The following PPM1L variants were observed in gnomAD, a reference collection of about 807,000 sequenced individuals.
The protein encoded by PPM1L is protein phosphatase 1L.
Under a neutral mutation model 31.4 loss-of-function variants are expected in PPM1L, and 13 were observed. That is an observed-to-expected ratio of 0.41 (90% CI 0.27 to 0.66). The LOEUF (loss-of-function observed/expected upper bound fraction) is 0.66, where lower values mean the gene tolerates loss of function less well. Among genes scored for constraint, PPM1L ranks in the 30% least tolerant of loss-of-function variants. The probability of loss-of-function intolerance (pLI) is 0.29; values close to 1 mark genes in which losing one functional copy is unlikely to be tolerated. For synonymous variants in PPM1L, 184 were observed against 175.4 expected (o/e 1.05, Z -0.39); for missense variants, 326 against 453.7 (o/e 0.72, Z 2.56).
intron 1 of PPM1L, among the ~76,000 whole-genome samples, chr3:160,819,601 T>C (rs747497549): frequency 7.0e-4 from 106 of 152,176 alleles, no homozygotes; most frequent in Non-Finnish European, 1.4e-3. Context: ...TTATAGGGTA[T>C]CCTACAGCAA....
At chr3:160,820,203 T>C (rs1713152536) in intron 1 of PPM1L, among the ~76,000 whole-genome samples, 1 of 152,084 alleles carries the variant, frequency 6.6e-6, no homozygotes, top group South Asian at 2.1e-4. Context: ...CAGTATTGCA[T>C]TGTCATCATG....
chr3:160,938,570 A>T (rs1715056983), intron 1 of PPM1L, among the ~76,000 whole-genome samples: 3 of 152,222 alleles, frequency 2.0e-5, no homozygotes, highest in Non-Finnish European at 4.4e-5. Context: ...AGCCTGCCTT[A>T]AATTACTCAT....
intron 1 of PPM1L, among the ~76,000 whole-genome samples, chr3:160,935,635 C>T (rs562862831): frequency 2.3e-3 from 351 of 152,290 alleles, no homozygotes; most frequent in African/African-American, 8.3e-3. Context: ...TGTCCTGAGG[C>T]GAAGCTGTGC....
chr3:161,005,226 G>C (rs1188644121), intron 2 of PPM1L, among the ~76,000 whole-genome samples: 1 of 152,142 alleles, frequency 6.6e-6, no homozygotes, highest in Non-Finnish European at 1.5e-5. Context: ...TTTTGAGTGA[G>C]ATTCTTAATC....
intron 1 of PPM1L, among the ~76,000 whole-genome samples, chr3:160,904,685 G>A (rs1157225322): frequency 2.0e-5 from 3 of 151,336 alleles, no homozygotes; most frequent in South Asian, 2.1e-4. Context: ...TTCAATTGCA[G>A]TGTCTTATTA....
intron 1 of PPM1L, among the ~76,000 whole-genome samples, chr3:160,865,635 C>T (rs147167490): frequency 0.021 from 3,216 of 152,178 alleles, 119 homozygotes; most frequent in African/African-American, 0.073. Flanking sequence ...ATTAGCTGGA[C>T]GTGGTGGCGT....
At chr3:161,049,872 A>G (rs1719215235) in intron 2 of PPM1L, among the ~76,000 whole-genome samples, 1 of 152,212 alleles carries the variant, frequency 6.6e-6, no homozygotes, top group South Asian at 2.1e-4. Flanking sequence ...GTAATTGCCC[A>G]TAGCAGAAAC....
chr3:160,916,922 G>T (rs1438575640), intron 1 of PPM1L, among the ~76,000 whole-genome samples: 2 of 152,120 alleles, frequency 1.3e-5, no homozygotes, highest in Non-Finnish European at 2.9e-5. Flanking sequence ...CTCTTTTTCT[G>T]CCAGTGACTT....
chr3:161,063,702 A>G lies in PPM1L; in HGVS notation c.575-1701A>G, dbSNP rs187324839. Among the ~76,000 whole-genome samples the G allele has an allele frequency of 3.8e-4, 58 of 152,216 alleles. 1 individual carries two copies. The highest frequency in any genetic ancestry group is 1.0e-4 in the Non-Finnish European group (7 of 68,040). ...CCAAAGGATTATAAACCATTCTACT[A>G]TAAAGACACATACATACATATGTTT... On this transcript the variant is annotated intron_variant, in intron 2 of 3. Coordinates refer to ENST00000498165, the MANE Select transcript of PPM1L (RefSeq NM_139245.4).
intron 1 of PPM1L, among the ~76,000 whole-genome samples, chr3:160,794,443 T>C (rs779055): frequency 0.026 from 3,908 of 152,310 alleles, 74 homozygotes; most frequent in Non-Finnish European, 0.04. Flanking sequence ...CATGAAATTT[T>C]AGGCAAGAAT....
chr3:160,786,155 C>G (rs28886332), intron 1 of PPM1L, among the ~76,000 whole-genome samples: 22,092 of 81,926 alleles, frequency 0.27, 3,487 homozygotes, highest in African/African-American at 0.5. Flanking sequence ...CTCTCTCTCT[C>G]TCTGTGTGTG....
chr3:160,954,246 C>T (rs997956948), intron 1 of PPM1L, among the ~76,000 whole-genome samples: 1 of 151,912 alleles, frequency 6.6e-6, no homozygotes, highest in African/African-American at 2.4e-5. Context: ...ATTTGGAAAA[C>T]TTTAGAGAGA....
intron 2 of PPM1L, among the ~76,000 whole-genome samples, chr3:160,973,253 T>C (rs1716413747): frequency 6.6e-6 from 1 of 152,236 alleles, no homozygotes; most frequent in East Asian, 1.9e-4. Context: ...CAAGTTGTCC[T>C]TGTTTGCCAC....
intron 1 of PPM1L, 31 bp from the exon 2 acceptor site, chr3:160,961,705 A>C (rs377716803): frequency 5.9e-5 from 92 of 1,550,492 alleles, no homozygotes; most frequent in African/African-American, 2.4e-4. Context: ...TTTCTAATGG[A>C]GTTCTCTCTC....
chr3:161,069,038 G>A lies in PPM1L; in HGVS notation c.964G>A (p.Asp322Asn), dbSNP rs1178900313. Residue 322 changes from aspartate (D) to asparagine (N), a missense_variant, in exon 4 of 4, where the codon GAT becomes AAT. Asp to Asn is a conservative substitution (Grantham distance 23, BLOSUM62 1). Transcript: ENST00000498165. ...AGTTCGATTCATCAAGGAGCGCTTG[G>A]ATGAACCTCACTTTGGGGCCAAGAG... ...EAVRFIKERL[D>N]EPHFGAKSIV... 2 of 1,614,182 alleles carry A rather than the reference G, an allele frequency of 1.2e-6. No individual in the cohort carries two copies. Among genetic ancestry groups the A allele is most frequent in the Middle Eastern group, 1.6e-4 (1 of 6,062 alleles).
At chr3:160,784,216 A>T (rs1207522678) in intron 1 of PPM1L, among the ~76,000 whole-genome samples, 3 of 152,174 alleles carry the variant, frequency 2.0e-5, no homozygotes, top group African/African-American at 7.2e-5. Flanking sequence ...ATGTGTATAT[A>T]TTTTCACTGT....
intron 1 of PPM1L, among the ~76,000 whole-genome samples, chr3:160,822,446 A>G (rs530130804): frequency 1.3e-5 from 2 of 152,192 alleles, no homozygotes; most frequent in Admixed American, 1.3e-4. Context: ...TTTTATATGT[A>G]TTAAAATAAA....
intron 1 of PPM1L, among the ~76,000 whole-genome samples, chr3:160,828,162 T>G (rs1713412452): frequency 6.6e-6 from 1 of 152,070 alleles, no homozygotes; most frequent in Admixed American, 6.6e-5. Flanking sequence ...TCATCCAAGC[T>G]CTCAGTAGGT....
chr3:160,927,062 G>A (rs1007296130), intron 1 of PPM1L, among the ~76,000 whole-genome samples: 1 of 152,170 alleles, frequency 6.6e-6, no homozygotes, highest in Non-Finnish European at 1.5e-5. Context: ...TGTTAATATT[G>A]TGTAAATAGA....
Sources: gnomAD v4.1 joint callset for allele counts (sites outside exome capture counted in the v4.1 genomes callset) on GRCh38, gnomAD v4.1.1 for gene constraint, MANE v1.5 for transcripts, NCBI Gene and HGNC (gene_info 2026-07-23, HGNC 2026-07-21) for gene names.